The following KLF8 variants were observed in gnomAD, a reference collection of about 807,000 sequenced individuals.
The protein encoded by KLF8 is KLF transcription factor 8, also known as Krueppel-like factor 8.
KLF8 carries 10 observed loss-of-function variants against 18.2 expected under a neutral mutation model. The ratio of observed to expected loss-of-function variants is 0.55; its 90% confidence interval spans 0.34 to 0.93. KLF8 has a LOEUF of 0.93. Ranked by LOEUF, KLF8 falls within the 40% of genes least tolerant of loss-of-function variation. The probability of loss-of-function intolerance (pLI) is 0.02; values close to 1 mark genes in which losing one functional copy is unlikely to be tolerated. For synonymous variants in KLF8, 109 were observed against 97.3 expected, an observed-to-expected ratio of 1.12 and a Z score of -0.71; for missense variants, 264 against 277.9, an observed-to-expected ratio of 0.95 and a Z score of 0.36.
chrX:56,236,858 G>A (rs2066481242), intron 1 of KLF8, among the ~76,000 whole-genome samples: 2 of 107,181 alleles, frequency 1.9e-5, no homozygotes, highest in Admixed American at 2.1e-4. Context: ...TTGTGTGTGT[G>A]TGTGTGTGTG....
chrX:56,079,549 G>A, the KLF8 span, among the ~76,000 whole-genome samples: 25 of 111,406 alleles, frequency 2.2e-4, no homozygotes, highest in Non-Finnish European at 1.7e-4. Context: ...GCTGAGGAGA[G>A]CTTTACTTCC....
At chrX:56,127,064 C>G in the KLF8 span, among the ~76,000 whole-genome samples, 1 of 110,621 alleles carries the variant, frequency 9.0e-6, no homozygotes, top group Non-Finnish European at 1.9e-5. Context: ...ACATGGCTCA[C>G]TTTCTTAATT....
At chrX:56,174,384 A>G in the KLF8 span, among the ~76,000 whole-genome samples, 1 of 111,635 alleles carries the variant, frequency 9.0e-6, no homozygotes, top group Non-Finnish European at 1.9e-5. Context: ...TTCTGTTTGT[A>G]TGTTGGATTA....
chrX:56,278,755 A>G (rs1020972031), intron 5 of KLF8, among the ~76,000 whole-genome samples: 2 of 111,658 alleles, frequency 1.8e-5, no homozygotes, highest in African/African-American at 3.3e-5. Context: ...CTTGTGGCCT[A>G]TACTGCCTTT....
chrX:55,931,630 C>G, the KLF8 span, among the ~76,000 whole-genome samples: 1 of 111,396 alleles, frequency 9.0e-6, no homozygotes, highest in South Asian at 3.8e-4. Context: ...TGTTATTTAC[C>G]CAGTAGTCAT....
At chrX:56,035,916 G>T in the KLF8 span, among the ~76,000 whole-genome samples, 1 of 111,454 alleles carries the variant, frequency 9.0e-6, no homozygotes, top group Non-Finnish European at 1.9e-5. Context: ...CTCTCATAAT[G>T]TAGATGGTAT....
At chrX:55,989,444 G>T in the KLF8 span, among the ~76,000 whole-genome samples, 1 of 112,385 alleles carries the variant, frequency 8.9e-6, no homozygotes, top group African/African-American at 3.2e-5. Flanking sequence ...GGCCTTTTCT[G>T]CATCTATTGA....
At chrX:56,031,429 G>A in the KLF8 span, among the ~76,000 whole-genome samples, 1 of 112,185 alleles carries the variant, frequency 8.9e-6, no homozygotes, top group Non-Finnish European at 1.9e-5. Context: ...GATGGAGTGG[G>A]CAAGTTTCAA....
chrX:56,173,929 T>G, the KLF8 span, among the ~76,000 whole-genome samples: 533 of 111,981 alleles, frequency 4.8e-3, 2 homozygotes, highest in Non-Finnish European at 6.6e-3. Flanking sequence ...TGCTTGTGAT[T>G]TTTGCACATT....
the KLF8 span, among the ~76,000 whole-genome samples, chrX:56,218,297 G>A: frequency 5.6e-4 from 62 of 111,036 alleles, 2 homozygotes; most frequent in South Asian, 0.022. Flanking sequence ...AGTTCTGGGA[G>A]CTGAGCCAAG....
At chrX:55,955,134 T>G in the KLF8 span, among the ~76,000 whole-genome samples, 1 of 111,401 alleles carries the variant, frequency 9.0e-6, no homozygotes. Context: ...GTGAACTTTA[T>G]AGTACATATA....
the KLF8 span, among the ~76,000 whole-genome samples, chrX:55,924,236 A>ATTTATT: frequency 3.6e-5 from 4 of 110,188 alleles, no homozygotes; most frequent in Non-Finnish European, 7.6e-5. Context: ...CACCTGGCTA[A>ATTTATT]TTTATTTTTA....
the KLF8 span, among the ~76,000 whole-genome samples, chrX:55,982,264 T>C: frequency 8.9e-6 from 1 of 111,750 alleles, no homozygotes; most frequent in East Asian, 2.8e-4. Context: ...TTGTGAACCA[T>C]TGGTGTCAAG....
chrX:55,908,708 C>T, the KLF8 span: 12 of 285,488 alleles, frequency 4.2e-5, no homozygotes, highest in Admixed American at 6.3e-5. Flanking sequence ...GAGTGAGGAC[C>T]CCGGGTCCAA....
chrX:56,160,540 T>C, the KLF8 span, among the ~76,000 whole-genome samples: 6 of 111,447 alleles, frequency 5.4e-5, no homozygotes, highest in African/African-American at 9.8e-5. Flanking sequence ...CTTTGTAGGT[T>C]ACTAAGGACT....
At chrX:56,062,610 C>T in the KLF8 span, among the ~76,000 whole-genome samples, 2 of 111,972 alleles carry the variant, frequency 1.8e-5, no homozygotes, top group Non-Finnish European at 3.8e-5. Context: ...TCTGGCTGCC[C>T]TTAACTTTTT....
At chrX:56,144,060 C>A in the KLF8 span, among the ~76,000 whole-genome samples, 2 of 111,841 alleles carry the variant, frequency 1.8e-5, no homozygotes, top group Non-Finnish European at 3.8e-5. Context: ...ATGTAACTGC[C>A]AAGATTATTC....
At chrX:56,065,713 T>A in the KLF8 span, among the ~76,000 whole-genome samples, 1 of 112,090 alleles carries the variant, frequency 8.9e-6, no homozygotes, top group Non-Finnish European at 1.9e-5. Context: ...GGGTTTTTTT[T>A]AAAGATGGAT....
chrX:55,989,785 C>T, the KLF8 span, among the ~76,000 whole-genome samples: 1 of 111,822 alleles, frequency 8.9e-6, no homozygotes, highest in Non-Finnish European at 1.9e-5. Context: ...ATGGTACCAG[C>T]TCCTCCTTGT....
Sources: allele counts gnomAD v4.1 joint callset (sites outside exome capture counted in the v4.1 genomes callset), GRCh38; gene constraint gnomAD v4.1.1; transcripts MANE v1.5; gene names NCBI Gene and HGNC (gene_info 2026-07-23, HGNC 2026-07-21).